SDK1: variants seen among roughly 807,000 people sequenced by gnomAD.
SDK1 encodes sidekick cell adhesion molecule 1, also known as protein sidekick-1.
SDK1 carries 157 observed loss-of-function variants against 245.5 expected under a neutral mutation model. That is an observed-to-expected ratio of 0.64 (90% CI 0.56 to 0.73). The LOEUF is 0.73. Among genes scored for constraint, SDK1 ranks in the 30% least tolerant of loss-of-function variants. The pLI is 0.00. For missense variants in SDK1, 3,583 were observed against 3,002.3 expected, an observed-to-expected ratio of 1.19 and a Z score of -4.52; for synonymous variants, 1,647 against 1,278.5, an observed-to-expected ratio of 1.29 and a Z score of -6.15.
chr7:3,975,934 G>C (rs886417563), intron 13 of SDK1, among the ~76,000 whole-genome samples: 3 of 141,066 alleles, frequency 2.1e-5, no homozygotes, highest in Non-Finnish European at 3.2e-5. Flanking sequence ...AATCACTGAG[G>C]GTCCCGGGGC....
rs564281025 is a variant in SDK1, at chr7:4,137,811, C to T, written c.4228+5388C>T. The stretch of plus-strand genomic sequence containing the variant: ...CTGATGTTTCTGATCTCGCTGTAAC[C>T]GTAATTACATAACTAGCCTTTTCCA... On this transcript the variant is annotated intron_variant, in intron 28 of 44. Transcript: ENST00000404826. Among the ~76,000 whole-genome samples, 7 of 152,324 alleles carry T rather than the reference C, an allele frequency of 4.6e-5. No homozygotes were observed. In the East Asian group the frequency reaches 7.7e-4, roughly 17 times the overall value.
intron 1 of SDK1, among the ~76,000 whole-genome samples, chr7:3,528,188 G>T (rs542849511): frequency 6.8e-6 from 1 of 145,990 alleles, no homozygotes; most frequent in African/African-American, 2.5e-5. Flanking sequence ...GTGGTGGGAG[G>T]TGAGGCTGGG....
intron 4 of SDK1, among the ~76,000 whole-genome samples, chr7:3,820,991 G>C (rs551010175): frequency 7.9e-5 from 12 of 152,356 alleles, no homozygotes; most frequent in African/African-American, 2.9e-4. Flanking sequence ...CACCAGTGTA[G>C]ATATCCATAC....
chr7:4,167,129 C>CA (rs1781546132), intron 32 of SDK1, among the ~76,000 whole-genome samples: 1 of 152,204 alleles, frequency 6.6e-6, no homozygotes, highest in African/African-American at 2.4e-5. Flanking sequence ...TTTGCTGTGG[C>CA]ACGCCTGTAA....
At chr7:3,413,291 G>A (rs762066177) in intron 1 of SDK1, among the ~76,000 whole-genome samples, 15 of 152,168 alleles carry the variant, frequency 9.9e-5, no homozygotes, top group Non-Finnish European at 1.5e-4. Flanking sequence ...GGGGAGCAGG[G>A]CATAGCCTGA....
At chr7:4,025,079 T>A (rs1787233157) in intron 17 of SDK1, among the ~76,000 whole-genome samples, 1 of 152,126 alleles carries the variant, frequency 6.6e-6, no homozygotes, top group African/African-American at 2.4e-5. Context: ...CAATAGTGAC[T>A]CTCCCAGTGT....
intron 17 of SDK1, among the ~76,000 whole-genome samples, chr7:4,024,663 A>G (rs1787191701): frequency 1.3e-5 from 2 of 152,170 alleles, no homozygotes; most frequent in Non-Finnish European, 1.5e-5. Flanking sequence ...GATAAGCATC[A>G]TATCCCTATT....
chr7:3,739,210 G>A (rs776682316), intron 4 of SDK1, among the ~76,000 whole-genome samples: 9 of 152,008 alleles, frequency 5.9e-5, no homozygotes, highest in East Asian at 1.9e-4. Context: ...TTTTCTTACT[G>A]CTTTCAAGAT....
chr7:3,339,048 G>A (rs1335934734), intron 1 of SDK1, among the ~76,000 whole-genome samples: 1 of 152,150 alleles, frequency 6.6e-6, no homozygotes, highest in Non-Finnish European at 1.5e-5. Context: ...ATCCAAAACT[G>A]TGTTGTTCAA....
rs1049978079 is a variant in SDK1 at position 3,504,149 on chromosome 7, CA to C, written c.299-114922del. Among the ~76,000 whole-genome samples, 73 of 127,164 alleles carry C rather than the reference CA, an allele frequency of 5.7e-4. 1 individual carries two copies. Among genetic ancestry groups the C allele is most frequent in the African/African-American group, 2.0e-3 (71 of 35,642 alleles). 83.4% of individuals were successfully genotyped at this position (127,164 alleles called of 152,430 possible). On this transcript the variant is annotated intron_variant, in intron 1 of 44. Transcript: ENST00000404826. ...TGGGCAACAGAGCGAGACTCCTTCT[CA>C]AAAAAAAACCAAAAAAATTATATAT...
At chr7:3,436,056 G>T (rs1171930425) in intron 1 of SDK1, among the ~76,000 whole-genome samples, 1 of 152,192 alleles carries the variant, frequency 6.6e-6, no homozygotes, top group Non-Finnish European at 1.5e-5. Flanking sequence ...TTATTTTAAA[G>T]AGTTTAAATC....
chr7:3,799,470 C>T (rs527415126), intron 4 of SDK1, among the ~76,000 whole-genome samples: 39 of 151,426 alleles, frequency 2.6e-4, no homozygotes, highest in South Asian at 2.5e-3. Context: ...TTTGGGAGGC[C>T]GAGGCAGGTG....
chr7:3,518,205 C>G (rs181231124), intron 1 of SDK1, among the ~76,000 whole-genome samples: 40 of 152,140 alleles, frequency 2.6e-4, no homozygotes, highest in Middle Eastern at 6.8e-3. Flanking sequence ...TTGTACTATT[C>G]TTTCTGCAGA....
chr7:3,614,035 A>T (rs575205410), intron 1 of SDK1, among the ~76,000 whole-genome samples: 26 of 152,272 alleles, frequency 1.7e-4, no homozygotes, highest in African/African-American at 6.0e-4. Flanking sequence ...TAGGCTTAAT[A>T]CCTGGGTGAT....
At chr7:3,706,028 A>C (rs1280872852) in intron 4 of SDK1, among the ~76,000 whole-genome samples, 2 of 152,012 alleles carry the variant, frequency 1.3e-5, no homozygotes, top group Non-Finnish European at 2.9e-5. Context: ...AAATGATTAT[A>C]TGGTTTTTGT....
intron 4 of SDK1, among the ~76,000 whole-genome samples, chr7:3,719,493 G>C (rs549799649): frequency 6.6e-6 from 1 of 152,070 alleles, no homozygotes; most frequent in Non-Finnish European, 1.5e-5. Flanking sequence ...AGACCCACAC[G>C]AATATGCCCA....
At chr7:3,372,808 G>C (rs1781260254) in intron 1 of SDK1, among the ~76,000 whole-genome samples, 1 of 152,192 alleles carries the variant, frequency 6.6e-6, no homozygotes, top group African/African-American at 2.4e-5. Context: ...TGGCAGAATT[G>C]CAAATGTGTA....
Position 3,521,270 on chromosome 7 carries a change from T to C in SDK1, c.299-97810T>C, listed in dbSNP as rs566972852. On this transcript the variant is annotated intron_variant, in intron 1 of 44. Transcript: ENST00000404826. ...CATCTTTCTGCTTTAAGAGATCATG[T>C]GATTAGATTGGGGCCAGCCAAGTAA... Among the ~76,000 whole-genome samples the C allele has an allele frequency of 4.3e-4, 65 of 152,344 alleles. 1 individual carries two copies. In the South Asian group the frequency reaches 0.013, roughly 30 times the overall value.
At chr7:3,659,851 G>A (rs1464303737) in intron 4 of SDK1, among the ~76,000 whole-genome samples, 1 of 152,184 alleles carries the variant, frequency 6.6e-6, no homozygotes, top group Non-Finnish European at 1.5e-5. Context: ...TGAAAGTGTA[G>A]GTTAAAAGTA....
Sources: allele counts gnomAD v4.1 joint callset (sites outside exome capture counted in the v4.1 genomes callset), GRCh38; gene constraint gnomAD v4.1.1; transcripts MANE v1.5; gene names NCBI Gene and HGNC (gene_info 2026-07-23, HGNC 2026-07-21).